The following LEPROTL1 variants were observed in gnomAD, a reference collection of about 807,000 sequenced individuals.
LEPROTL1 encodes leptin receptor overlapping transcript-like 1.
LEPROTL1 carries 6 observed loss-of-function variants against 15.4 expected under a neutral mutation model. The observed-to-expected ratio is 0.39, with a 90% CI of 0.21 to 0.77. The LOEUF (loss-of-function observed/expected upper bound fraction) is 0.77. LEPROTL1 is among the 30% of genes least tolerant of loss of function. The probability of loss-of-function intolerance (pLI) is 0.41; values close to 1 mark genes in which losing one functional copy is unlikely to be tolerated. For missense variants in LEPROTL1, 128 were observed against 158.1 expected (o/e 0.81, Z 1.02); for synonymous variants, 56 against 52.6 (o/e 1.06, Z -0.28).
chr8:30,120,959 GACAAACTCTACTCCCATTCCCC>G (rs564986717), intron 3 of LEPROTL1, among the ~76,000 whole-genome samples: 1 of 152,276 alleles, frequency 6.6e-6, no homozygotes, highest in Non-Finnish European at 1.5e-5. Context: ...CATCTCGCAT[GACAAACTCTACTCCCATTCCCC>G]CTGCTCCCAG....
At chr8:30,098,408 T>C (rs192483061) in intron 1 of LEPROTL1, among the ~76,000 whole-genome samples, 1 of 152,338 alleles carries the variant, frequency 6.6e-6, no homozygotes, top group Admixed American at 6.5e-5. Context: ...TTAGTATAAA[T>C]AAGAACTTAA....
intron 3 of LEPROTL1, among the ~76,000 whole-genome samples, chr8:30,130,046 C>A (rs769958337): frequency 6.6e-6 from 1 of 152,172 alleles, no homozygotes; most frequent in Non-Finnish European, 1.5e-5. Flanking sequence ...CCCACCAGGC[C>A]CCTCTTCCGA....
At chr8:30,132,997 T>C (rs1803060668) in intron 4 of LEPROTL1, 1 of 1,299,824 alleles carries the variant, frequency 7.7e-7, no homozygotes, top group Non-Finnish European at 1.0e-6. Context: ...TCGCAGGAAA[T>C]AGATAGGTCT....
chr8:30,136,045 C>CTGA, intron 4 of LEPROTL1, among the ~76,000 whole-genome samples: 1 of 152,096 alleles, frequency 6.6e-6, no homozygotes, highest in Middle Eastern at 3.4e-3. Context: ...TTAAGAAAAA[C>CTGA]TGACCCCGTC....
At chr8:30,114,342 A>T (rs1008017537) in intron 3 of LEPROTL1, among the ~76,000 whole-genome samples, 12 of 151,730 alleles carry the variant, frequency 7.9e-5, no homozygotes, top group African/African-American at 2.9e-4. Context: ...CCAGGCTGGA[A>T]TACAGTGATG....
intron 1 of LEPROTL1, chr8:30,096,513 CTTGT>C: frequency 2.7e-6 from 1 of 375,760 alleles, no homozygotes; most frequent in Non-Finnish European, 3.7e-6. Context: ...CTTACTGTTT[CTTGT>C]TTATTTTCAA....
downstream of LEPROTL1, chr8:30,138,091 G>A (rs762264326): frequency 3.0e-4 from 50 of 169,334 alleles, no homozygotes; most frequent in Non-Finnish European, 4.9e-4. Flanking sequence ...CCAACCAAGC[G>A]GCACTGTCAA....
At chr8:30,138,329 T>A, downstream of LEPROTL1, 1 of 502,808 alleles carries the variant, frequency 2.0e-6, no homozygotes, top group Non-Finnish European at 3.6e-6. Flanking sequence ...TTCACAACAA[T>A]CTTGCAACAC....
intron 3 of LEPROTL1, chr8:30,117,321 CTTT>C (rs35882810): frequency 0.18 from 107,533 of 607,166 alleles, 11 homozygotes; most frequent in South Asian, 0.26. Flanking sequence ...GACCCTGTTT[CTTT>C]TTTTTTTTTT....
chr8:30,135,823 A>T (rs1382551374), intron 4 of LEPROTL1, among the ~76,000 whole-genome samples: 2 of 148,596 alleles, frequency 1.3e-5, no homozygotes, highest in Admixed American at 1.4e-4. Flanking sequence ...CTGAGGTGGG[A>T]GGATTGCTTG....
chr8:30,135,026 T>C (rs368910682), intron 4 of LEPROTL1, among the ~76,000 whole-genome samples: 5 of 150,044 alleles, frequency 3.3e-5, no homozygotes, highest in African/African-American at 1.2e-4. Context: ...ACTTCAGACA[T>C]GCGCTACCAC....
chr8:30,121,172 A>G (rs1187510261), intron 3 of LEPROTL1, among the ~76,000 whole-genome samples: 1 of 151,894 alleles, frequency 6.6e-6, no homozygotes, highest in Non-Finnish European at 1.5e-5. Context: ...TCTTACCTCC[A>G]GGGTTCTGTG....
intron 3 of LEPROTL1, among the ~76,000 whole-genome samples, chr8:30,124,400 A>G (rs1802878567): frequency 1.3e-5 from 2 of 152,198 alleles, no homozygotes; most frequent in South Asian, 4.1e-4. Context: ...ACAATTCTGA[A>G]CACATGGCTG....
intron 1 of LEPROTL1, among the ~76,000 whole-genome samples, chr8:30,098,669 C>T (rs964260774): frequency 2.6e-5 from 4 of 151,210 alleles, no homozygotes; most frequent in Non-Finnish European, 5.9e-5. Context: ...AACTGAGACT[C>T]ATAAATTACT....
chr8:30,135,495 G>T (rs1353850769), intron 4 of LEPROTL1, among the ~76,000 whole-genome samples: 1 of 152,126 alleles, frequency 6.6e-6, no homozygotes, highest in East Asian at 1.9e-4. Flanking sequence ...TTGTACTGAG[G>T]AATGGATCAC....
chr8:30,114,305 T>TG (rs370942688), intron 3 of LEPROTL1, among the ~76,000 whole-genome samples: 168 of 149,610 alleles, frequency 1.1e-3, no homozygotes, highest in Non-Finnish European at 1.1e-3. Context: ...TGTTTTATTT[T>TG]TTTGAGATGG....
chr8:30,109,387 G>A (rs1349287087), downstream of LEPROTL1, among the ~76,000 whole-genome samples: 1 of 152,210 alleles, frequency 6.6e-6, no homozygotes, highest in African/African-American at 2.4e-5. Flanking sequence ...AACATGTCCT[G>A]TAGGTAAATA....
chr8:30,106,523 G>C lies in LEPROTL1; in HGVS notation c.*661G>C. The C allele has an allele frequency of 1.0e-6, 1 of 985,720 alleles. No individual in the cohort carries two copies. Among genetic ancestry groups the C allele is most frequent in the Non-Finnish European group, 1.2e-6 (1 of 829,846 alleles). The allele number at this position is 985,720 out of a possible 1,614,324, so 61.1% of individuals were successfully genotyped here. The stretch of plus-strand genomic sequence containing the variant: ...AAAATTATTTTATGGAATTGCTACA[G>C]AGGAGTGCTTTTCTTCTCAATTGTT... On this transcript the variant is annotated 3_prime_UTR_variant, in exon 4 of 4. Coordinates refer to ENST00000321250, the MANE Select transcript of LEPROTL1 (RefSeq NM_015344.3).
chr8:30,120,567 G>A (rs1480013913), intron 3 of LEPROTL1, among the ~76,000 whole-genome samples: 1 of 152,110 alleles, frequency 6.6e-6, no homozygotes, highest in African/African-American at 2.4e-5. Flanking sequence ...TTCTTTCTCT[G>A]TCACCCAGGC....
Sources: allele counts gnomAD v4.1 joint callset (sites outside exome capture counted in the v4.1 genomes callset), GRCh38; gene constraint gnomAD v4.1.1; transcripts MANE v1.5; gene names NCBI Gene and HGNC (gene_info 2026-07-23, HGNC 2026-07-21).